The following RNLS variants were observed in gnomAD, a reference collection of about 807,000 sequenced individuals.
RNLS encodes the protein renalase, FAD dependent amine oxidase, also known as renalase.
In RNLS, 39 loss-of-function variants were observed where a neutral mutation model predicts 39.8. That is an observed-to-expected ratio of 0.98 (90% CI 0.76 to 1.28). The LOEUF is 1.28. Among genes scored for constraint, RNLS ranks in the 50% most tolerant of loss-of-function variants. RNLS has a pLI of 0.00. For synonymous variants in RNLS, 147 were observed against 150.7 expected, an observed-to-expected ratio of 0.98 and a Z score of 0.18; for missense variants, 410 against 413.3, an observed-to-expected ratio of 0.99 and a Z score of 0.07.
chr10:88,363,083 A>C (rs1589652451), intron 4 of RNLS, among the ~76,000 whole-genome samples: 1 of 152,242 alleles, frequency 6.6e-6, no homozygotes, highest in South Asian at 2.1e-4. Context: ...GGTATTTGCT[A>C]TATACTTGAC....
chr10:88,533,184 A>G (rs1847541598), intron 4 of RNLS, among the ~76,000 whole-genome samples: 1 of 152,160 alleles, frequency 6.6e-6, no homozygotes, highest in South Asian at 2.1e-4. Flanking sequence ...TTTTCAAGTT[A>G]GAGTGCCAGT....
intron 4 of RNLS, among the ~76,000 whole-genome samples, chr10:88,459,103 CTT>C (rs34868471): frequency 4.3e-4 from 62 of 145,234 alleles, no homozygotes; most frequent in African/African-American, 6.0e-4. Context: ...TTTCTTTTTT[CTT>C]TTTTTTTTTT....
chr10:88,400,248 T>C (rs929496344), intron 4 of RNLS, among the ~76,000 whole-genome samples: 2 of 152,128 alleles, frequency 1.3e-5, no homozygotes, highest in East Asian at 1.9e-4. Flanking sequence ...TGGGGTTTCA[T>C]AGGATTGAAA....
chr10:88,431,735 T>C (rs1161109455), intron 4 of RNLS, among the ~76,000 whole-genome samples: 4 of 151,852 alleles, frequency 2.6e-5, no homozygotes, highest in East Asian at 1.9e-4. Flanking sequence ...CTTGAGCTAT[T>C]TGGAAGTATG....
chr10:88,527,327 A>C (rs1355196395), intron 4 of RNLS, among the ~76,000 whole-genome samples: 1 of 152,108 alleles, frequency 6.6e-6, no homozygotes, highest in Non-Finnish European at 1.5e-5. Flanking sequence ...AAAGATATTA[A>C]CATTTGGGAG....
chr10:88,369,198 TTTC>T (rs1809112385), intron 4 of RNLS, among the ~76,000 whole-genome samples: 1 of 152,176 alleles, frequency 6.6e-6, no homozygotes, highest in African/African-American at 2.4e-5. Flanking sequence ...GGATAATCAG[TTTC>T]TTTCCTCCCT....
At position 88,558,648 on chromosome 10, in the gene RNLS, A is replaced by G. The variant is rs557220194; in HGVS notation, c.526+14255T>C. Among the ~76,000 whole-genome samples, 348 of 152,276 alleles carry G rather than the reference A, an allele frequency of 2.3e-3. 2 individuals carry two copies. Among genetic ancestry groups the G allele is most frequent in the African/African-American group, 7.7e-3 (322 of 41,574 alleles). ...TCCCCATTTGTGGAAGGTGGCAGAG[A>G]GGTGAAGATTCAGTTGGGCAGCCTC... is the stretch of plus-strand genomic sequence containing the variant. On this transcript the variant is annotated intron_variant, in intron 4 of 6. Coordinates refer to ENST00000331772, the MANE Select transcript of RNLS (RefSeq NM_001031709.3).
chr10:88,572,289 G>C (rs1242741782), intron 4 of RNLS, among the ~76,000 whole-genome samples: 4 of 152,096 alleles, frequency 2.6e-5, no homozygotes, highest in African/African-American at 9.7e-5. Flanking sequence ...ATTAAACAAA[G>C]GTTACTATCT....
Position 88,347,778 on chromosome 10 carries a change from T to C in RNLS, c.700+14774A>G, listed in dbSNP as rs1047250710. Among the ~76,000 whole-genome samples, 5 of 152,200 alleles carry C rather than the reference T, an allele frequency of 3.3e-5. No individual in the cohort carries two copies. The South Asian group carries it at 1.0e-3, about 32-fold the overall frequency. ...CTGGAACTTCCACCACCTGGTTTTC[T>C]TTTCGCCCTTTCTTTGTTCCTTCCC... On this transcript the variant is annotated intron_variant, in intron 5 of 6. Coordinates refer to ENST00000331772, the MANE Select transcript of RNLS (RefSeq NM_001031709.3).
intron 4 of RNLS, among the ~76,000 whole-genome samples, chr10:88,449,481 C>T (rs930913894): frequency 1.3e-5 from 2 of 152,182 alleles, no homozygotes; most frequent in African/African-American, 4.8e-5. Context: ...TAGCCTTCTC[C>T]TCTGAGTTAT....
At chr10:88,372,571 G>A (rs1413809446) in intron 4 of RNLS, among the ~76,000 whole-genome samples, 11 of 152,150 alleles carry the variant, frequency 7.2e-5, no homozygotes, top group Admixed American at 7.2e-4. Flanking sequence ...CTAAGCATGG[G>A]ATTAGAAAAA....
At chr10:88,210,556 TC>T in the RNLS span, among the ~76,000 whole-genome samples, 1 of 152,170 alleles carries the variant, frequency 6.6e-6, no homozygotes, top group Non-Finnish European at 1.5e-5. Flanking sequence ...GGGCATTTTG[TC>T]CCTCCTCTGC....
intron 4 of RNLS, among the ~76,000 whole-genome samples, chr10:88,416,284 G>A (rs1319353430): frequency 2.7e-5 from 4 of 148,512 alleles, no homozygotes; most frequent in Admixed American, 1.3e-4. Flanking sequence ...ATGGAGTTTC[G>A]CTCTTGTTGC....
At chr10:88,225,097 A>C in the RNLS span, among the ~76,000 whole-genome samples, 1 of 152,184 alleles carries the variant, frequency 6.6e-6, no homozygotes, top group South Asian at 2.1e-4. Flanking sequence ...TTTAATTTTC[A>C]TTTCTCTCAC....
chr10:88,323,954 A>G (rs773859190), intron 5 of RNLS, among the ~76,000 whole-genome samples: 14 of 152,174 alleles, frequency 9.2e-5, no homozygotes, highest in Non-Finnish European at 1.2e-4. Flanking sequence ...AAGAAGACAT[A>G]CAAGCAACCA....
At chr10:88,198,147 A>T in the RNLS span, among the ~76,000 whole-genome samples, 1 of 152,176 alleles carries the variant, frequency 6.6e-6, no homozygotes, top group Admixed American at 6.5e-5. Flanking sequence ...TGTGCTTTTC[A>T]TCACTCTGCT....
intron 6 of RNLS, among the ~76,000 whole-genome samples, chr10:88,294,458 A>T (rs1458893956): frequency 2.6e-5 from 4 of 151,814 alleles, no homozygotes; most frequent in African/African-American, 9.7e-5. Flanking sequence ...TTTTTTTTTT[A>T]AATTTATACA....
At chr10:88,227,440 C>A in the RNLS span, among the ~76,000 whole-genome samples, 2 of 152,192 alleles carry the variant, frequency 1.3e-5, no homozygotes, top group African/African-American at 4.8e-5. Flanking sequence ...GCTATGGTAG[C>A]GATGAACCCA....
chr10:88,358,970 C>G (rs1849413551), intron 5 of RNLS, among the ~76,000 whole-genome samples: 1 of 152,142 alleles, frequency 6.6e-6, no homozygotes, highest in African/African-American at 2.4e-5. Context: ...TTGATTCAAT[C>G]AAACACCCCA....
Sources: gnomAD v4.1 joint callset for allele counts (sites outside exome capture counted in the v4.1 genomes callset) on GRCh38, gnomAD v4.1.1 for gene constraint, MANE v1.5 for transcripts, NCBI Gene and HGNC (gene_info 2026-07-23, HGNC 2026-07-21) for gene names.